Variants in ANKS1B observed in about 807,000 individuals in gnomAD.
ANKS1B encodes ankyrin repeat and sterile alpha motif domain-containing protein 1B.
In ANKS1B, 36 loss-of-function variants were observed where a neutral mutation model predicts 148.3. The observed-to-expected ratio is 0.24, with a 90% CI of 0.19 to 0.32. The LOEUF (loss-of-function observed/expected upper bound fraction) is 0.32. Ranked by LOEUF, ANKS1B falls within the 10% of genes least tolerant of loss-of-function variation. ANKS1B has a pLI of 1.00. For synonymous variants in ANKS1B, 542 were observed against 560.8 expected (o/e 0.97, Z 0.47); for missense variants, 1,157 against 1,542.6 (o/e 0.75, Z 4.19).
chr12:98,868,791 C>T (rs924683145), intron 17 of ANKS1B, among the ~76,000 whole-genome samples: 5 of 152,212 alleles, frequency 3.3e-5, no homozygotes, highest in African/African-American at 9.7e-5. Context: ...CAGTCTCTCA[C>T]CAGCTGAGCT....
intron 1 of ANKS1B, among the ~76,000 whole-genome samples, chr12:99,962,901 C>A (rs1198131488): frequency 2.0e-5 from 3 of 151,752 alleles, no homozygotes; most frequent in South Asian, 4.2e-4. Flanking sequence ...GCCGGCTCCG[C>A]CTCCCGGGCT....
intron 14 of ANKS1B, among the ~76,000 whole-genome samples, chr12:99,208,498 T>C (rs917147291): frequency 6.6e-6 from 1 of 152,172 alleles, no homozygotes; most frequent in Non-Finnish European, 1.5e-5. Context: ...ATTTCATATG[T>C]TAAATTATAT....
chr12:99,381,476 G>T (rs973921344), intron 12 of ANKS1B, among the ~76,000 whole-genome samples: 1 of 152,228 alleles, frequency 6.6e-6, no homozygotes, highest in Non-Finnish European at 1.5e-5. Flanking sequence ...TTTAGGAAGA[G>T]ACCAAGGTGG....
chr12:99,623,643 AC>A, intron 9 of ANKS1B, among the ~76,000 whole-genome samples: 1 of 151,912 alleles, frequency 6.6e-6, no homozygotes, highest in East Asian at 1.9e-4. Flanking sequence ...CAAGAATGAA[AC>A]CCCTTTTACA....
At chr12:98,753,716 G>A (rs2098155639) in intron 25 of ANKS1B, among the ~76,000 whole-genome samples, 1 of 152,126 alleles carries the variant, frequency 6.6e-6, no homozygotes, top group African/African-American at 2.4e-5. Flanking sequence ...GTAAGCCACC[G>A]TGCCTGACCA....
At chr12:99,110,494 T>C (rs555644322) in intron 15 of ANKS1B, among the ~76,000 whole-genome samples, 1 of 152,214 alleles carries the variant, frequency 6.6e-6, no homozygotes, top group South Asian at 2.1e-4. Flanking sequence ...GAGAATTATA[T>C]TTTGAAGAGT....
At chr12:98,939,710 T>C (rs955036058) in intron 17 of ANKS1B, among the ~76,000 whole-genome samples, 1 of 152,330 alleles carries the variant, frequency 6.6e-6, no homozygotes, top group Non-Finnish European at 1.5e-5. Context: ...TTCCCTGGTG[T>C]TCAAATTGTC....
At chr12:99,178,385 C>T (rs2078664346) in intron 14 of ANKS1B, among the ~76,000 whole-genome samples, 1 of 152,212 alleles carries the variant, frequency 6.6e-6, no homozygotes, top group Non-Finnish European at 1.5e-5. Flanking sequence ...CACAGGACAT[C>T]ATGGCACCTC....
chr12:99,306,445 C>T (rs1382526420), intron 12 of ANKS1B, among the ~76,000 whole-genome samples: 1 of 151,940 alleles, frequency 6.6e-6, no homozygotes. Flanking sequence ...TACCCCCACC[C>T]CCATAACTTT....
intron 16 of ANKS1B, among the ~76,000 whole-genome samples, chr12:99,060,686 CACACACACACACACAT>C (rs1465223652): frequency 2.0e-5 from 2 of 100,908 alleles, no homozygotes; most frequent in African/African-American, 6.2e-5. Context: ...CACACACACA[CACACACACACACACAT>C]ATATATAGAG....
At chr12:99,411,195 A>G (rs935315652) in intron 11 of ANKS1B, among the ~76,000 whole-genome samples, 2 of 152,180 alleles carry the variant, frequency 1.3e-5, no homozygotes, top group Non-Finnish European at 2.9e-5. Context: ...CTGGGCCAGG[A>G]GCACCAGGGT....
intron 8 of ANKS1B, among the ~76,000 whole-genome samples, chr12:99,696,603 A>G (rs2053962487): frequency 6.6e-6 from 1 of 152,226 alleles, no homozygotes; most frequent in African/African-American, 2.4e-5. Context: ...TAAATGTAAA[A>G]TGAAAAGCTA....
At chr12:99,897,593 TAC>T (rs2093429049) in intron 1 of ANKS1B, among the ~76,000 whole-genome samples, 1 of 151,124 alleles carries the variant, frequency 6.6e-6, no homozygotes, top group Non-Finnish European at 1.5e-5. Context: ...GAGGAACAAC[TAC>T]ACAGTCAGCA....
intron 9 of ANKS1B, among the ~76,000 whole-genome samples, chr12:99,588,166 C>T (rs191606309): frequency 1.4e-3 from 209 of 152,038 alleles, no homozygotes; most frequent in African/African-American, 4.8e-3. Flanking sequence ...TAAAATGCTA[C>T]ACCACTGGTT....
intron 11 of ANKS1B, among the ~76,000 whole-genome samples, chr12:99,433,143 A>G (rs2095406774): frequency 6.6e-6 from 1 of 152,180 alleles, no homozygotes; most frequent in South Asian, 2.1e-4. Flanking sequence ...TTCAAGATAT[A>G]TTTTTAAAGA....
chr12:99,861,180 AC>A (rs905738287), intron 1 of ANKS1B, among the ~76,000 whole-genome samples: 1 of 152,146 alleles, frequency 6.6e-6, no homozygotes, highest in African/African-American at 2.4e-5. Flanking sequence ...TCAGAGCAGA[AC>A]CCTCTGAACC....
Position 99,395,998 on chromosome 12 carries a change from T to A in ANKS1B, c.1756+3633A>T, listed in dbSNP as rs188508879. 1.5e-3 allele frequency among the ~76,000 whole-genome samples: 228 copies of A among 152,314 alleles called. 1 individual carries two copies. The highest frequency in any genetic ancestry group is 5.4e-3 in the African/African-American group (224 of 41,576). Reference sequence around the variant, plus strand: ...ATAAGCTTGGTCAGCTACCTTGGCATACCTTGTACAGACTTACAACAGGCC... The same window carrying A: ...ATAAGCTTGGTCAGCTACCTTGGCAAACCTTGTACAGACTTACAACAGGCC... On this transcript the variant is annotated intron_variant, in intron 12 of 26. Coordinates refer to ENST00000683438, the MANE Select transcript of ANKS1B (RefSeq NM_001352186.2).
At chr12:98,835,438 C>T (rs2099357405) in intron 17 of ANKS1B, among the ~76,000 whole-genome samples, 1 of 152,164 alleles carries the variant, frequency 6.6e-6, no homozygotes, top group African/African-American at 2.4e-5. Flanking sequence ...AGAACAAGGA[C>T]TTGTTCATTG....
chr12:99,791,125 A>G (rs1049942515), intron 4 of ANKS1B, among the ~76,000 whole-genome samples: 12 of 152,076 alleles, frequency 7.9e-5, no homozygotes, highest in African/African-American at 2.9e-4. Flanking sequence ...AAGAGTAGCT[A>G]TACTTATATT....
Sources: allele counts gnomAD v4.1 joint callset (sites outside exome capture counted in the v4.1 genomes callset), GRCh38; gene constraint gnomAD v4.1.1; transcripts MANE v1.5; gene names NCBI Gene and HGNC (gene_info 2026-07-23, HGNC 2026-07-21).